The following WASF3 variants were observed in gnomAD, a reference collection of about 807,000 sequenced individuals.
The protein encoded by WASF3 is actin-binding protein WASF3.
In WASF3, 11 loss-of-function variants were observed where a neutral mutation model predicts 46.6. That is an observed-to-expected ratio of 0.24 (90% confidence interval 0.15 to 0.39). The LOEUF (loss-of-function observed/expected upper bound fraction) is 0.39. Among genes scored for constraint, WASF3 ranks in the 10% least tolerant of loss-of-function variants. The pLI, the probability that WASF3 is intolerant of heterozygous loss-of-function variation, is 1.00. For missense variants in WASF3, 576 were observed against 669.8 expected (o/e 0.86, Z 1.55); for synonymous variants, 242 against 259.7 (o/e 0.93, Z 0.65).
At chr13:26,553,804 G>A (rs1463111191), upstream of WASF3, among the ~76,000 whole-genome samples, 10 of 141,372 alleles carry the variant, frequency 7.1e-5, no homozygotes, top group African/African-American at 2.0e-4. Context: ...GCGACAGAGC[G>A]AGACTCCATC....
At chr13:26,646,757 C>T (rs1882161830) in intron 3 of WASF3, among the ~76,000 whole-genome samples, 2 of 152,116 alleles carry the variant, frequency 1.3e-5, no homozygotes, top group Admixed American at 1.3e-4. Flanking sequence ...CCCTGGGAGA[C>T]CTACTGTGAA....
intron 2 of WASF3, among the ~76,000 whole-genome samples, chr13:26,635,274 G>C (rs193205135): frequency 1.7e-3 from 262 of 152,094 alleles, no homozygotes; most frequent in African/African-American, 6.0e-3. Context: ...TCACTTGATT[G>C]AATCAGCTAT....
At chr13:26,539,425 C>T in the WASF3 span, among the ~76,000 whole-genome samples, 1 of 152,072 alleles carries the variant, frequency 6.6e-6, no homozygotes, top group African/African-American at 2.4e-5. Flanking sequence ...TAGTTGACTG[C>T]TTTGAAAAGA....
At chr13:26,680,114 A>C (rs1349021981) in intron 7 of WASF3, 1 of 1,598,312 alleles carries the variant, frequency 6.3e-7, no homozygotes, top group Non-Finnish European at 8.5e-7. Flanking sequence ...GAAGAGTGGG[A>C]GAGAAGGAAA....
chr13:26,560,975 G>C (rs1363392541), intron 1 of WASF3, among the ~76,000 whole-genome samples: 4 of 152,256 alleles, frequency 2.6e-5, no homozygotes, highest in Middle Eastern at 3.4e-3. Context: ...AGAAGGAATT[G>C]GTCGAAGTCT....
intron 2 of WASF3, among the ~76,000 whole-genome samples, chr13:26,614,989 A>AG (rs1881087675): frequency 6.6e-6 from 1 of 151,886 alleles, no homozygotes; most frequent in Non-Finnish European, 1.5e-5. Flanking sequence ...TAGCTTGGTG[A>AG]GGCAGATTCT....
chr13:26,560,295 T>C (rs1414226487), intron 1 of WASF3, among the ~76,000 whole-genome samples: 1 of 152,194 alleles, frequency 6.6e-6, no homozygotes, highest in Non-Finnish European at 1.5e-5. Flanking sequence ...TACAGAAATA[T>C]TTTATGCCAG....
At chr13:26,620,507 A>G (rs1244523070) in intron 2 of WASF3, 1 of 152,218 alleles carries the variant, frequency 6.6e-6, no homozygotes, top group Non-Finnish European at 1.5e-5. Flanking sequence ...TAATTGAAGC[A>G]TAGATATGTA....
chr13:26,549,359 T>C, the WASF3 span, among the ~76,000 whole-genome samples: 1 of 152,134 alleles, frequency 6.6e-6, no homozygotes, highest in Admixed American at 6.5e-5. Context: ...TGCTGTGGGG[T>C]TCTCCTTAAT....
At chr13:26,555,008 G>A (rs144437754), upstream of WASF3, among the ~76,000 whole-genome samples, 364 of 152,294 alleles carry the variant, frequency 2.4e-3, no homozygotes, top group African/African-American at 8.1e-3. Flanking sequence ...GGCAATGGAT[G>A]GGCATTCCTG....
At chr13:26,635,678 G>A (rs1315183289) in intron 2 of WASF3, among the ~76,000 whole-genome samples, 1 of 152,184 alleles carries the variant, frequency 6.6e-6, no homozygotes, top group Non-Finnish European at 1.5e-5. Flanking sequence ...GTTTTCATGT[G>A]GATGTCTTTT....
intron 2 of WASF3, among the ~76,000 whole-genome samples, chr13:26,633,533 C>T (rs1881723460): frequency 6.6e-6 from 1 of 152,074 alleles, no homozygotes; most frequent in African/African-American, 2.4e-5. Flanking sequence ...CTTCTGCTAG[C>T]ATTTGAATTT....
chr13:26,576,400 T>G (rs1482428988), intron 1 of WASF3, among the ~76,000 whole-genome samples: 3 of 152,144 alleles, frequency 2.0e-5, no homozygotes, highest in Non-Finnish European at 4.4e-5. Flanking sequence ...GAACATAAAT[T>G]TGAGAATTGT....
intron 7 of WASF3, among the ~76,000 whole-genome samples, chr13:26,678,909 G>C (rs1883144037): frequency 6.6e-6 from 1 of 152,204 alleles, no homozygotes; most frequent in African/African-American, 2.4e-5. Flanking sequence ...CTCTGCTGCT[G>C]TGCCTACTTC....
intron 1 of WASF3, among the ~76,000 whole-genome samples, 160 bp from the exon 2 acceptor site, chr13:26,612,801 C>T (rs1881018205): frequency 1.3e-5 from 2 of 152,182 alleles, no homozygotes; most frequent in South Asian, 2.1e-4. Context: ...GGATTTCACA[C>T]ACCTTATTAG....
At chr13:26,672,111 G>T in intron 6 of WASF3, 122 bp downstream of exon 6, 2 of 733,030 alleles carry the variant, frequency 2.7e-6, no homozygotes, top group Non-Finnish European at 4.5e-6. Flanking sequence ...TTTAGAGGTT[G>T]CATTTCTCAC....
the WASF3 span, among the ~76,000 whole-genome samples, chr13:26,539,231 A>G: frequency 5.3e-5 from 8 of 152,148 alleles, no homozygotes; most frequent in Non-Finnish European, 7.3e-5. Context: ...TTGGAACCAG[A>G]GCCAAGGTTA....
intron 2 of WASF3, among the ~76,000 whole-genome samples, chr13:26,617,811 G>A (rs1881180181): frequency 6.6e-6 from 1 of 152,124 alleles, no homozygotes; most frequent in African/African-American, 2.4e-5. Flanking sequence ...AGACCAGGTG[G>A]AGGTAATTGA....
chr13:26,601,289 TG>T (rs1424009040), intron 1 of WASF3, among the ~76,000 whole-genome samples: 5 of 152,218 alleles, frequency 3.3e-5, no homozygotes, highest in Middle Eastern at 3.4e-3. Flanking sequence ...CTTACTGGAG[TG>T]CTTTAATTTT....
Sources: allele counts gnomAD v4.1 joint callset (sites outside exome capture counted in the v4.1 genomes callset), GRCh38; gene constraint gnomAD v4.1.1; transcripts MANE v1.5; gene names NCBI Gene and HGNC (gene_info 2026-07-23, HGNC 2026-07-21).